LINGO2: variants seen among roughly 807,000 people sequenced by gnomAD.
The protein encoded by LINGO2 is leucine-rich repeat and immunoglobulin-like domain-containing nogo receptor-interacting protein 2.
A neutral mutation model predicts 30.6 loss-of-function variants in LINGO2; 14 were observed. The observed-to-expected ratio is 0.46, with a 90% CI of 0.30 to 0.72. The LOEUF is 0.72. LINGO2 is among the 30% of genes least tolerant of loss of function. The pLI, the probability that LINGO2 is intolerant of heterozygous loss-of-function variation, is 0.07. For missense variants in LINGO2, 729 were observed against 751.7 expected (o/e 0.97, Z 0.35); for synonymous variants, 317 against 288.5 (o/e 1.10, Z -1.00).
the LINGO2 span, among the ~76,000 whole-genome samples, chr9:29,003,364 G>T: frequency 1.3e-5 from 2 of 151,990 alleles, no homozygotes; most frequent in Non-Finnish European, 2.9e-5. Context: ...GTATGTGTGG[G>T]AAAGTTAGGA....
chr9:28,061,788 C>A (rs779755359), intron 4 of LINGO2, among the ~76,000 whole-genome samples: 1 of 152,030 alleles, frequency 6.6e-6, no homozygotes, highest in Admixed American at 6.6e-5. Flanking sequence ...TTAAGAACTT[C>A]GACTTGGAAA....
intron 2 of LINGO2, among the ~76,000 whole-genome samples, chr9:28,432,016 T>A (rs1001961846): frequency 1.3e-5 from 2 of 152,148 alleles, no homozygotes; most frequent in Admixed American, 1.3e-4. Context: ...ATTCATTGTA[T>A]GTACATCCAG....
intron 4 of LINGO2, among the ~76,000 whole-genome samples, chr9:28,280,080 T>C (rs1587379977): frequency 1.3e-5 from 2 of 152,258 alleles, no homozygotes; most frequent in East Asian, 3.9e-4. Flanking sequence ...ACTGATTTTT[T>C]GAGAGAATGC....
At chr9:28,067,800 G>A (rs971427553) in intron 4 of LINGO2, among the ~76,000 whole-genome samples, 1 of 151,940 alleles carries the variant, frequency 6.6e-6, no homozygotes. Context: ...ATTTAGCAAC[G>A]CATCAACTTC....
rs12685794 is a variant in LINGO2 at position 27,963,261 on chromosome 9, G to A, written c.-35-12555C>T. Among the ~76,000 whole-genome samples the A allele has an allele frequency of 9.3e-3, 1,417 of 152,160 alleles. 113 individuals are homozygous for A. In the East Asian group the frequency reaches 0.19, roughly 20 times the overall value. The stretch of plus-strand genomic sequence containing the variant: ...TGTGATTATTTTTTATAGGATAATG[G>A]TTTCGTTTGTTGAATCAGTATTTGT... On this transcript the variant is annotated intron_variant, in intron 5 of 5. Transcript: ENST00000379992.
chr9:29,150,124 C>A, the LINGO2 span, among the ~76,000 whole-genome samples: 1 of 152,172 alleles, frequency 6.6e-6, no homozygotes, highest in Non-Finnish European at 1.5e-5. Context: ...TACCTAAGCA[C>A]AATTTACAGG....
the LINGO2 span, among the ~76,000 whole-genome samples, chr9:28,987,072 G>GTT: frequency 0.1 from 11,967 of 119,032 alleles, 661 homozygotes; most frequent in Admixed American, 0.14. Flanking sequence ...GTTCTAACAG[G>GTT]TTTTTTTTTT....
At chr9:28,271,325 G>C (rs1822932923) in intron 4 of LINGO2, among the ~76,000 whole-genome samples, 1 of 151,994 alleles carries the variant, frequency 6.6e-6, no homozygotes, top group Non-Finnish European at 1.5e-5. Flanking sequence ...CTTTAAATTA[G>C]TTAACATAAT....
chr9:28,942,116 G>C, the LINGO2 span, among the ~76,000 whole-genome samples: 1 of 152,078 alleles, frequency 6.6e-6, no homozygotes, highest in Non-Finnish European at 1.5e-5. Flanking sequence ...CCATGTCTTT[G>C]TATTGTAAAG....
chr9:29,195,595 C>T, the LINGO2 span, among the ~76,000 whole-genome samples: 1 of 151,898 alleles, frequency 6.6e-6, no homozygotes, highest in African/African-American at 2.4e-5. Flanking sequence ...TTCTCCACAA[C>T]TAATTAGTAA....
chr9:28,991,261 A>T, the LINGO2 span, among the ~76,000 whole-genome samples: 1 of 151,744 alleles, frequency 6.6e-6, no homozygotes, highest in Non-Finnish European at 1.5e-5. Flanking sequence ...AAGAAAGGGT[A>T]TCAGCAATGG....
chr9:28,569,088 TC>T (rs1823542506), intron 1 of LINGO2, among the ~76,000 whole-genome samples: 1 of 151,584 alleles, frequency 6.6e-6, no homozygotes, highest in African/African-American at 2.4e-5. Flanking sequence ...CAATGAGATA[TC>T]ACCTCCCATC....
Position 28,312,868 on chromosome 9 carries a change from G to T in LINGO2, c.-245-17502C>A, listed in dbSNP as rs10968488. ...TGCCTTTATTCTTAATCAGGGCTCT[G>T]TTGTGTCAGGAAAAAAGGAAAACTT... On this transcript the variant is annotated intron_variant, in intron 3 of 5. Transcript: ENST00000379992. 4.1e-3 allele frequency among the ~76,000 whole-genome samples: 630 copies of T among 152,184 alleles called. 37 individuals are homozygous for T. In the East Asian group the frequency reaches 0.11, roughly 26 times the overall value.
intron 4 of LINGO2, among the ~76,000 whole-genome samples, chr9:28,279,843 G>A (rs948099005): frequency 1.3e-5 from 2 of 152,056 alleles, no homozygotes; most frequent in African/African-American, 4.8e-5. Flanking sequence ...ATGATCTCCA[G>A]AATGAATCTA....
intron 1 of LINGO2, among the ~76,000 whole-genome samples, chr9:28,517,760 G>C (rs1820677603): frequency 6.6e-6 from 1 of 152,068 alleles, no homozygotes; most frequent in Admixed American, 6.6e-5. Context: ...GCTTAGGGCT[G>C]CTTGAAGCAT....
At chr9:29,210,834 C>A in the LINGO2 span, among the ~76,000 whole-genome samples, 4 of 152,304 alleles carry the variant, frequency 2.6e-5, no homozygotes, top group South Asian at 8.3e-4. Flanking sequence ...GATCTCAAAA[C>A]ATTTTACTGG....
intron 3 of LINGO2, among the ~76,000 whole-genome samples, chr9:28,302,505 C>A (rs1477728603): frequency 1.3e-5 from 2 of 152,020 alleles, no homozygotes; most frequent in African/African-American, 4.8e-5. Context: ...ATGGTGAAAC[C>A]CTCTCCCTAC....
At chr9:28,009,141 G>GT (rs59012553) in intron 5 of LINGO2, among the ~76,000 whole-genome samples, 3,454 of 150,246 alleles carry the variant, frequency 0.023, 140 homozygotes, top group African/African-American at 0.079. Context: ...AAAGGGAAAA[G>GT]TTTTTTTTTT....
chr9:28,212,383 C>G (rs1466093515), intron 4 of LINGO2, among the ~76,000 whole-genome samples: 1 of 151,308 alleles, frequency 6.6e-6, no homozygotes, highest in Non-Finnish European at 1.5e-5. Context: ...AGGATTTGAA[C>G]CCGTTTGACA....
Sources: allele counts gnomAD v4.1 joint callset (sites outside exome capture counted in the v4.1 genomes callset), GRCh38; gene constraint gnomAD v4.1.1; transcripts MANE v1.5; gene names NCBI Gene and HGNC (gene_info 2026-07-23, HGNC 2026-07-21).